Variants in PPCDC observed in about 807,000 individuals in gnomAD.
PPCDC encodes the protein phosphopantothenoylcysteine decarboxylase.
Under a neutral mutation model 20.7 loss-of-function variants are expected in PPCDC, and 20 were observed. The ratio of observed to expected loss-of-function variants is 0.97; its 90% CI spans 0.68 to 1.41. PPCDC has a LOEUF of 1.41. PPCDC is among the 40% of genes most tolerant of loss of function. The probability of loss-of-function intolerance (pLI) is 0.00; values close to 1 mark genes in which losing one functional copy is unlikely to be tolerated. For missense variants in PPCDC, 246 were observed against 263.8 expected, an observed-to-expected ratio of 0.93 and a Z score of 0.47; for synonymous variants, 88 against 100.3, an observed-to-expected ratio of 0.88 and a Z score of 0.73.
intron 2 of PPCDC, among the ~76,000 whole-genome samples, chr15:75,037,928 A>T (rs2066105688): frequency 6.6e-6 from 1 of 152,058 alleles, no homozygotes; most frequent in Non-Finnish European, 1.5e-5. Context: ...GAAGTGTGGG[A>T]AACGTCAAAG....
chr15:75,049,905 G>A lies in PPCDC; in HGVS notation c.*670G>A, dbSNP rs575871022. 7 of 152,352 alleles carry A rather than the reference G, an allele frequency of 4.6e-5. No homozygotes were observed. The highest frequency in any genetic ancestry group is 2.0e-4 in the Admixed American group (3 of 15,296). 9.4% of individuals were successfully genotyped at this position (152,352 alleles called of 1,614,324 possible). ...AAGATCTGAAGCCAGACAGCCCCTA[G>A]TTCCAATCCCAGCTCTGCCGCTTAC... On this transcript the variant is annotated 3_prime_UTR_variant, in exon 6 of 6. Transcript: ENST00000342932.
At chr15:75,048,407 C>G (rs1458970832) in intron 4 of PPCDC, 146 bp from the exon 5 acceptor site, 2 of 1,099,828 alleles carry the variant, frequency 1.8e-6, no homozygotes, top group Non-Finnish European at 2.5e-6. Context: ...GCCCCCACCC[C>G]TGAGGGATGA....
At chr15:75,026,278 T>C (rs1205354684) in intron 1 of PPCDC, among the ~76,000 whole-genome samples, 2 of 152,312 alleles carry the variant, frequency 1.3e-5, no homozygotes, top group Non-Finnish European at 2.9e-5. Flanking sequence ...ATAAAGAATG[T>C]GCCTCCATCA....
chr15:75,044,556 C>T, intron 4 of PPCDC, 42 bp downstream of exon 4: 1 of 1,597,106 alleles, frequency 6.3e-7, no homozygotes, highest in Non-Finnish European at 8.5e-7. Context: ...CTGGGCCTCA[C>T]ACCCAGTTTG....
chr15:75,045,312 A>C (rs1292956987), intron 4 of PPCDC: 1 of 152,386 alleles, frequency 6.6e-6, no homozygotes, highest in African/African-American at 2.4e-5. Flanking sequence ...TGGAAGGAGA[A>C]TGCCAGGCTT....
At chr15:75,044,312 C>G in intron 3 of PPCDC, 74 bp from the exon 4 acceptor site, 1 of 1,582,660 alleles carries the variant, frequency 6.3e-7, no homozygotes, top group Admixed American at 1.7e-5. Flanking sequence ...AGTCTCCTGA[C>G]TTACCGTACC....
intron 2 of PPCDC, among the ~76,000 whole-genome samples, chr15:75,032,908 C>T (rs1041576940): frequency 6.6e-6 from 1 of 152,092 alleles, no homozygotes; most frequent in African/African-American, 2.4e-5. Context: ...TCAAGCAGTC[C>T]TCCCACCTCA....
intron 1 of PPCDC, among the ~76,000 whole-genome samples, chr15:75,024,499 A>G: frequency 6.6e-6 from 1 of 151,156 alleles, no homozygotes; most frequent in Non-Finnish European, 1.5e-5. Flanking sequence ...AGGCATAAAC[A>G]ACCATACCCG....
At position 75,045,832 on chromosome 15, in the gene PPCDC, C is replaced by T. The variant is rs1007871673; in HGVS notation, c.360+1318C>T. On this transcript the variant is annotated intron_variant, in intron 4 of 5. Transcript: ENST00000342932. Reference sequence around the variant, plus strand: ...CCAGGAGTTCTAGGCTGCGGTGCCCCTTGATTGTGCCTGTGAATAGCCAGA... The same window carrying T: ...CCAGGAGTTCTAGGCTGCGGTGCCCTTTGATTGTGCCTGTGAATAGCCAGA... 4.1e-5 allele frequency among the ~76,000 whole-genome samples: 6 copies of T among 147,872 alleles called. No homozygotes were observed. In the East Asian group the frequency reaches 1.2e-3, roughly 30 times the overall value.
chr15:75,048,738 G>A lies in PPCDC; in HGVS notation c.529+17G>A. The A allele has an allele frequency of 6.2e-7, 1 of 1,612,976 alleles. No homozygotes were observed. The highest frequency in any genetic ancestry group is 8.5e-7 in the Non-Finnish European group (1 of 1,179,272). ...GAGATGAAGGTGGGTGTCTTGCCAG[G>A]CTTATAGCCCAGGGCTGTAGAAGGG... is the stretch of plus-strand genomic sequence containing the variant. On this transcript the variant is annotated intron_variant, in intron 5 of 5. Transcript: ENST00000342932.
chr15:75,039,525 T>A (rs2066127628), intron 2 of PPCDC, among the ~76,000 whole-genome samples: 1 of 152,230 alleles, frequency 6.6e-6, no homozygotes, highest in African/African-American at 2.4e-5. Context: ...GAAGTCCTCC[T>A]GTATTCAGCT....
chr15:75,035,704 C>T (rs182843554), intron 2 of PPCDC, among the ~76,000 whole-genome samples: 9 of 152,316 alleles, frequency 5.9e-5, no homozygotes, highest in Admixed American at 2.6e-4. Flanking sequence ...TGGTGGTTCA[C>T]ACCTGTAATC....
chr15:75,036,244 C>T (rs1290567490), intron 2 of PPCDC, among the ~76,000 whole-genome samples: 1 of 152,202 alleles, frequency 6.6e-6, no homozygotes, highest in Non-Finnish European at 1.5e-5. Flanking sequence ...GAAGATAACA[C>T]ATGGTTTTAT....
At chr15:75,047,839 A>T (rs2066258174) in intron 4 of PPCDC, among the ~76,000 whole-genome samples, 1 of 152,226 alleles carries the variant, frequency 6.6e-6, no homozygotes, top group Admixed American at 6.5e-5. Flanking sequence ...ACTCAGGGCT[A>T]CGTAATTTCA....
At chr15:75,026,240 C>T (rs564149034) in intron 1 of PPCDC, among the ~76,000 whole-genome samples, 2 of 152,244 alleles carry the variant, frequency 1.3e-5, no homozygotes, top group South Asian at 2.1e-4. Context: ...TCAGGGTTTG[C>T]GATCTGGCAG....
chr15:75,045,279 C>G (rs2066216754), intron 4 of PPCDC: 2 of 152,318 alleles, frequency 1.3e-5, no homozygotes, highest in Non-Finnish European at 1.5e-5. Flanking sequence ...GAGAGCCTCA[C>G]AGGACACAGG....
At chr15:75,038,752 T>A (rs1567056594) in intron 2 of PPCDC, among the ~76,000 whole-genome samples, 1 of 152,178 alleles carries the variant, frequency 6.6e-6, no homozygotes, top group Non-Finnish European at 1.5e-5. Flanking sequence ...AATTTTTTTT[T>A]TGTAATTTTC....
In PPCDC at chr15:75,044,012, C is replaced by T. The variant is rs537709277; in HGVS notation, c.232-374C>T. Reference sequence around the variant, plus strand: ...AAACATTCTTAGCCTAGAACATTTCCGGCTGGCCTGTCTTCCCCGCCCCCA... The same window carrying T: ...AAACATTCTTAGCCTAGAACATTTCTGGCTGGCCTGTCTTCCCCGCCCCCA... On this transcript the variant is annotated intron_variant, in intron 3 of 5. Coordinates refer to ENST00000342932, the MANE Select transcript of PPCDC (RefSeq NM_021823.5). 4.0e-4 allele frequency among the ~76,000 whole-genome samples: 61 copies of T among 152,152 alleles called. 1 individual carries two copies. The highest frequency in any genetic ancestry group is 1.9e-3 in the Admixed American group (29 of 15,296).
rs1392329426 is a variant in PPCDC at position 75,031,289 on chromosome 15, T to C, written c.135+2836T>C. ...TTGTAGTTCCGTAGTTGTCATGTAA[T>C]TGAGTGGCAGTAAAATCCGGGTTGT... is the stretch of plus-strand genomic sequence containing the variant. On this transcript the variant is annotated intron_variant, in intron 2 of 5. Coordinates refer to ENST00000342932, the MANE Select transcript of PPCDC (RefSeq NM_021823.5). 2.0e-5 allele frequency among the ~76,000 whole-genome samples: 3 copies of C among 152,080 alleles called. No individual in the cohort carries two copies. The East Asian group carries it at 5.8e-4, about 29-fold the overall frequency.
Sources: gnomAD v4.1 joint callset for allele counts (sites outside exome capture counted in the v4.1 genomes callset) on GRCh38, gnomAD v4.1.1 for gene constraint, MANE v1.5 for transcripts, NCBI Gene and HGNC (gene_info 2026-07-23, HGNC 2026-07-21) for gene names.